ARHGAP8: variants seen among roughly 807,000 people sequenced by gnomAD.
The protein encoded by ARHGAP8 is Rho GTPase activating protein 8.
In ARHGAP8, 62 loss-of-function variants were observed where a neutral mutation model predicts 46.1. The observed-to-expected ratio is 1.34, with a 90% CI of 1.10 to 1.66. The LOEUF (loss-of-function observed/expected upper bound fraction) is 1.66. Among genes scored for constraint, ARHGAP8 ranks in the 40% most tolerant of loss-of-function variants. ARHGAP8 has a pLI of 0.00. For missense variants in ARHGAP8, 923 were observed against 568.4 expected (o/e 1.62, Z -6.34); for synonymous variants, 375 against 243.1 (o/e 1.54, Z -5.05).
intron 5 of ARHGAP8, among the ~76,000 whole-genome samples, chr22:44,816,742 C>T (rs1431102987): frequency 1.4e-5 from 2 of 146,058 alleles, no homozygotes; most frequent in Non-Finnish European, 3.0e-5. Flanking sequence ...GACTTCAAGG[C>T]TGCAGTGGCT....
At chr22:44,755,884 T>A (rs571095067) in intron 1 of ARHGAP8, among the ~76,000 whole-genome samples, 10 of 152,292 alleles carry the variant, frequency 6.6e-5, no homozygotes, top group African/African-American at 2.4e-4. Flanking sequence ...AGTCAGTTGC[T>A]GTCCACTCTG....
intron 4 of ARHGAP8, chr22:44,808,686 A>G (rs1398319932): frequency 1.5e-6 from 1 of 688,780 alleles, no homozygotes; most frequent in African/African-American, 1.8e-5. Context: ...GGTCTCACCC[A>G]GCCACCATGG....
chr22:44,829,449 C>T (rs547661327), intron 7 of ARHGAP8, among the ~76,000 whole-genome samples: 15 of 152,334 alleles, frequency 9.8e-5, no homozygotes, highest in Admixed American at 7.8e-4. Flanking sequence ...GCATTCTGAG[C>T]AGGTGCCTTT....
chr22:44,842,251 G>A (rs1023923053), intron 7 of ARHGAP8, among the ~76,000 whole-genome samples: 2 of 152,154 alleles, frequency 1.3e-5, no homozygotes, highest in African/African-American at 4.8e-5. Flanking sequence ...CAGCTACTCG[G>A]GAGGCTGAGG....
rs796490147 is a variant in ARHGAP8 at position 44,827,336 on chromosome 22, G to GTTTTTTTTTTTTTT, written c.596+1756_596+1769dup. 7.4e-4 allele frequency among the ~76,000 whole-genome samples: 50 copies of GTTTTTTTTTTTTTT among 67,268 alleles called. 11 individuals are homozygous for GTTTTTTTTTTTTTT. Among genetic ancestry groups the GTTTTTTTTTTTTTT allele is most frequent in the Middle Eastern group, 0.016 (1 of 64 alleles). The allele number at this position is 67,268 out of a possible 152,430, so 44.1% of individuals were successfully genotyped here. ...GGTGAGATAATACATTTGGGTGGTG[G>GTTTTTTTTTTTTTT]TTTTTTTTTTTTTTTTTTTTTTTTT... On this transcript the variant is annotated intron_variant, in intron 7 of 11. Transcript: ENST00000356099.
At chr22:44,857,781 G>C (rs973937844) in intron 10 of ARHGAP8, among the ~76,000 whole-genome samples, 7 of 151,828 alleles carry the variant, frequency 4.6e-5, no homozygotes, top group African/African-American at 1.7e-4. Context: ...CCTCGGGCTA[G>C]TCACCTAACC....
intron 1 of ARHGAP8, among the ~76,000 whole-genome samples, chr22:44,783,545 G>A (rs1926999155): frequency 1.3e-5 from 2 of 152,124 alleles, no homozygotes; most frequent in Admixed American, 6.5e-5. Flanking sequence ...GTCCCTGGAG[G>A]CCCACCTCCT....
intron 1 of ARHGAP8, among the ~76,000 whole-genome samples, chr22:44,774,029 CTGT>C (rs1432472778): frequency 2.0e-5 from 3 of 152,196 alleles, no homozygotes; most frequent in Non-Finnish European, 2.9e-5. Context: ...GAGGAAGGTG[CTGT>C]TGTTGTCTAT....
intron 1 of ARHGAP8, among the ~76,000 whole-genome samples, chr22:44,771,242 A>ATTTTTTTTTT (rs368256843): frequency 9.2e-6 from 1 of 108,302 alleles, no homozygotes. Context: ...TTGCAAGTAA[A>ATTTTTTTTTT]TTTTTTTTTT....
At chr22:44,810,472 C>T (rs1021792036) in intron 4 of ARHGAP8, among the ~76,000 whole-genome samples, 12 of 152,026 alleles carry the variant, frequency 7.9e-5, no homozygotes, top group Admixed American at 2.6e-4. Context: ...GAACTCCTGA[C>T]CTCGTGATCC....
At chr22:44,814,450 G>A (rs898082951) in intron 4 of ARHGAP8, among the ~76,000 whole-genome samples, 9 of 152,184 alleles carry the variant, frequency 5.9e-5, no homozygotes, top group African/African-American at 9.7e-5. Context: ...GCTGTGCCTC[G>A]GCGAACTAAA....
At chr22:44,861,386 C>G (rs916642430) in intron 11 of ARHGAP8, among the ~76,000 whole-genome samples, 5 of 152,204 alleles carry the variant, frequency 3.3e-5, no homozygotes, top group African/African-American at 9.7e-5. Context: ...CCCAGTGGCA[C>G]CTGGGGGCCT....
chr22:44,811,081 A>G (rs1364825963), intron 4 of ARHGAP8, among the ~76,000 whole-genome samples: 3 of 152,230 alleles, frequency 2.0e-5, no homozygotes. Context: ...GCCAGAAATC[A>G]GCCCAGAGAA....
At chr22:44,777,684 T>C (rs1926521994) in intron 1 of ARHGAP8, among the ~76,000 whole-genome samples, 1 of 151,996 alleles carries the variant, frequency 6.6e-6, no homozygotes, top group Non-Finnish European at 1.5e-5. Context: ...ATTGTTTTGT[T>C]TTATTTTATT....
At chr22:44,774,946 T>G (rs1926315976) in intron 1 of ARHGAP8, among the ~76,000 whole-genome samples, 1 of 152,052 alleles carries the variant, frequency 6.6e-6, no homozygotes, top group Non-Finnish European at 1.5e-5. Context: ...TTCTCCTACC[T>G]CAGCCTCCCG....
chr22:44,856,315 A>G (rs965594713), intron 10 of ARHGAP8, among the ~76,000 whole-genome samples: 2 of 117,542 alleles, frequency 1.7e-5, no homozygotes, highest in African/African-American at 6.7e-5. Flanking sequence ...TCTGTTGCCC[A>G]GGCCAGAGTG....
intron 2 of ARHGAP8, among the ~76,000 whole-genome samples, chr22:44,790,197 A>G (rs754918708): frequency 5.3e-5 from 8 of 152,144 alleles, no homozygotes; most frequent in Non-Finnish European, 8.8e-5. Context: ...GGAGGCCAGT[A>G]AGAGCAAGAA....
intron 1 of ARHGAP8, among the ~76,000 whole-genome samples, chr22:44,774,455 T>G (rs1926267714): frequency 6.6e-6 from 1 of 152,086 alleles, no homozygotes; most frequent in South Asian, 2.1e-4. Context: ...ATTAGTGTCT[T>G]TATGGTAGCA....
At chr22:44,757,564 A>C (rs1367778292) in intron 1 of ARHGAP8, among the ~76,000 whole-genome samples, 1 of 152,182 alleles carries the variant, frequency 6.6e-6, no homozygotes, top group Non-Finnish European at 1.5e-5. Flanking sequence ...GGCGTGAGCC[A>C]CCATGCCTGG....
Sources: allele counts gnomAD v4.1 joint callset (sites outside exome capture counted in the v4.1 genomes callset), GRCh38; gene constraint gnomAD v4.1.1; transcripts MANE v1.5; gene names NCBI Gene and HGNC (gene_info 2026-07-23, HGNC 2026-07-21).